CSMD1: variants seen among roughly 807,000 people sequenced by gnomAD.
The protein encoded by CSMD1 is CUB and sushi domain-containing protein 1.
CSMD1 carries 213 observed loss-of-function variants against 417.5 expected under a neutral mutation model. The observed-to-expected ratio is 0.51, with a 90% CI of 0.46 to 0.57. The LOEUF is 0.57. CSMD1 is among the 20% of genes least tolerant of loss of function. The probability of loss-of-function intolerance (pLI) is 0.00; values close to 1 mark genes in which losing one functional copy is unlikely to be tolerated. For missense variants in CSMD1, 6,923 were observed against 4,529.7 expected, an observed-to-expected ratio of 1.53 and a Z score of -15.17; for synonymous variants, 2,862 against 1,736.8, an observed-to-expected ratio of 1.65 and a Z score of -16.11.
chr8:4,301,217 T>G (rs1366827520), intron 3 of CSMD1, among the ~76,000 whole-genome samples: 2 of 152,288 alleles, frequency 1.3e-5, no homozygotes, highest in East Asian at 3.9e-4. Context: ...TTTTGGCTAG[T>G]TTGTCAAAAC....
chr8:3,848,413 A>T (rs1194983083), intron 5 of CSMD1, among the ~76,000 whole-genome samples: 1 of 152,228 alleles, frequency 6.6e-6, no homozygotes, highest in Non-Finnish European at 1.5e-5. Flanking sequence ...GGTGTTTTTT[A>T]AAACACAATT....
chr8:3,176,762 C>CTT (rs969027798), intron 37 of CSMD1, among the ~76,000 whole-genome samples: 2 of 147,752 alleles, frequency 1.4e-5, no homozygotes, highest in African/African-American at 5.0e-5. Flanking sequence ...CCTTTTCTTT[C>CTT]TTTCTTTTTC....
chr8:4,386,141 C>G (rs544463884), intron 3 of CSMD1, among the ~76,000 whole-genome samples: 40 of 152,268 alleles, frequency 2.6e-4, no homozygotes, highest in Non-Finnish European at 5.0e-4. Flanking sequence ...CCTTCCGTCC[C>G]TGGTTATGAC....
chr8:3,975,154 G>A (rs527743435), intron 5 of CSMD1, among the ~76,000 whole-genome samples: 32 of 152,270 alleles, frequency 2.1e-4, no homozygotes, highest in African/African-American at 7.7e-4. Context: ...CGAGAGGCAT[G>A]CCTCATCTTA....
At chr8:3,470,366 T>G (rs1250224491) in intron 11 of CSMD1, among the ~76,000 whole-genome samples, 1 of 152,194 alleles carries the variant, frequency 6.6e-6, no homozygotes, top group African/African-American at 2.4e-5. Context: ...TTAAGATAAT[T>G]GTGGATACAC....
intron 5 of CSMD1, among the ~76,000 whole-genome samples, chr8:3,819,076 A>T (rs369864772): frequency 2.0e-5 from 3 of 152,226 alleles, no homozygotes; most frequent in East Asian, 3.9e-4. Context: ...ACAGCTTCAT[A>T]GCTTAAGGCA....
At chr8:3,835,333 G>C (rs12543824) in intron 5 of CSMD1, among the ~76,000 whole-genome samples, 57,601 of 151,720 alleles carry the variant, frequency 0.38, 11,611 homozygotes, top group African/African-American at 0.52. Context: ...GTCCAACAAC[G>C]ACAGACTGGA....
chr8:4,842,838 G>C (rs1015797737), intron 1 of CSMD1, among the ~76,000 whole-genome samples: 1 of 152,192 alleles, frequency 6.6e-6, no homozygotes, highest in Non-Finnish European at 1.5e-5. Context: ...AAGTAGCGTA[G>C]CTGTTAAATC....
chr8:4,790,966 G>T (rs1342176187), intron 1 of CSMD1, among the ~76,000 whole-genome samples: 1 of 152,120 alleles, frequency 6.6e-6, no homozygotes, highest in Admixed American at 6.6e-5. Context: ...TAAGACAAAA[G>T]TAAAAATTGA....
chr8:3,492,344 T>A (rs963131388), intron 11 of CSMD1, among the ~76,000 whole-genome samples: 2 of 152,090 alleles, frequency 1.3e-5, no homozygotes, highest in Non-Finnish European at 2.9e-5. Context: ...GTGTCTCACA[T>A]AGGGCAGACC....
chr8:4,156,775 A>C (rs1796857973), intron 3 of CSMD1, among the ~76,000 whole-genome samples: 1 of 152,148 alleles, frequency 6.6e-6, no homozygotes, highest in African/African-American at 2.4e-5. Flanking sequence ...GACAGTACAG[A>C]CTTTTGGGAA....
At chr8:4,390,669 AC>A (rs1489687220) in intron 3 of CSMD1, among the ~76,000 whole-genome samples, 1 of 151,426 alleles carries the variant, frequency 6.6e-6, no homozygotes, top group Non-Finnish European at 1.5e-5. Flanking sequence ...ACCCCCCACC[AC>A]GCCCGGCTAA....
chr8:3,172,876 T>C (rs1331750090), intron 37 of CSMD1, among the ~76,000 whole-genome samples: 1 of 152,194 alleles, frequency 6.6e-6, no homozygotes, highest in African/African-American at 2.4e-5. Flanking sequence ...CGGCAATATT[T>C]ATCTCATGAT....
At chr8:3,968,413 G>C (rs1812838677) in intron 5 of CSMD1, among the ~76,000 whole-genome samples, 1 of 151,990 alleles carries the variant, frequency 6.6e-6, no homozygotes, top group South Asian at 2.1e-4. Flanking sequence ...CTTCCTTCAT[G>C]GGTTCACATG....
In CSMD1 at chr8:2,972,946, A is replaced by G. The variant is rs201811218; in HGVS notation, c.8923+171T>C. ...ACCTGTGGATACTTGGAATACCTCC[A>G]TGCACCCAGTCATGATTTCTGATGA... On this transcript the variant is annotated intron_variant, in intron 57 of 69. Transcript: ENST00000635120. 1.8e-4 allele frequency among the ~76,000 whole-genome samples: 27 copies of G among 152,348 alleles called. No homozygotes were observed. In the East Asian group the frequency reaches 5.2e-3, roughly 29 times the overall value.
intron 10 of CSMD1, among the ~76,000 whole-genome samples, chr8:3,570,079 C>T (rs1157666139): frequency 6.6e-6 from 1 of 152,090 alleles, no homozygotes; most frequent in Non-Finnish European, 1.5e-5. Flanking sequence ...TGTATAAACC[C>T]AAGCTGCCTA....
chr8:4,038,910 G>T (rs59044328), intron 3 of CSMD1, among the ~76,000 whole-genome samples: 4 of 152,186 alleles, frequency 2.6e-5, no homozygotes, highest in African/African-American at 9.6e-5. Context: ...AATTCCCTCC[G>T]TAACACTTAA....
intron 25 of CSMD1, among the ~76,000 whole-genome samples, chr8:3,289,268 A>G (rs1803377645): frequency 1.4e-5 from 2 of 147,174 alleles, no homozygotes; most frequent in Admixed American, 1.3e-4. Flanking sequence ...GCTATTGTGA[A>G]TAGTGCCGCT....
intron 5 of CSMD1, among the ~76,000 whole-genome samples, chr8:3,981,515 A>AG (rs1813866007): frequency 1.3e-5 from 2 of 148,516 alleles, no homozygotes; most frequent in South Asian, 4.2e-4. Flanking sequence ...AAAAAAAAAA[A>AG]AAAAAAAAAA....
Sources: allele counts gnomAD v4.1 joint callset (sites outside exome capture counted in the v4.1 genomes callset), GRCh38; gene constraint gnomAD v4.1.1; transcripts MANE v1.5; gene names NCBI Gene and HGNC (gene_info 2026-07-23, HGNC 2026-07-21).